Variants in NBDY observed in about 807,000 individuals in gnomAD.
The protein encoded by NBDY is negative regulator of P-body association.
intron 2 of NBDY, among the ~76,000 whole-genome samples, chrX:56,739,642 C>T (rs2069522183): frequency 1.8e-5 from 2 of 110,411 alleles, no homozygotes; most frequent in Non-Finnish European, 3.8e-5. Flanking sequence ...ATGTATTGTT[C>T]TCAGGGCATC....
chrX:56,745,548 G>T (rs910541818), intron 2 of NBDY, among the ~76,000 whole-genome samples: 1 of 110,656 alleles, frequency 9.0e-6, no homozygotes, highest in African/African-American at 3.3e-5. Flanking sequence ...TACACCCAGA[G>T]AAATTTAACA....
intron 2 of NBDY, among the ~76,000 whole-genome samples, chrX:56,739,264 G>GTATATATATATATATATA (rs59220932): frequency 2.0e-4 from 6 of 30,393 alleles, no homozygotes; most frequent in Non-Finnish European, 4.0e-4. Flanking sequence ...ATATATATAT[G>GTATATATATATATATATA]TATGTATATA....
chrX:56,737,100 T>C (rs2069498922), intron 2 of NBDY: 4 of 481,336 alleles, frequency 8.3e-6, no homozygotes, highest in Non-Finnish European at 1.2e-5. Context: ...AGTTATTCAG[T>C]ATAAGGTTTG....
At chrX:56,815,963 A>G (rs760838072) in intron 2 of NBDY, among the ~76,000 whole-genome samples, 1 of 111,565 alleles carries the variant, frequency 9.0e-6, no homozygotes, top group East Asian at 2.8e-4. Context: ...TATACATTTC[A>G]TGTTGTTTTC....
chrX:56,762,326 C>G (rs1045717671), intron 2 of NBDY, among the ~76,000 whole-genome samples: 1 of 107,604 alleles, frequency 9.3e-6, no homozygotes, highest in African/African-American at 3.4e-5. Context: ...TTTTCTTCTT[C>G]TTTTCTTCCC....
intron 1 of NBDY, among the ~76,000 whole-genome samples, chrX:56,731,101 T>A (rs2069455419): frequency 9.2e-6 from 1 of 108,322 alleles, no homozygotes; most frequent in Non-Finnish European, 1.9e-5. Context: ...TTTTAGACAT[T>A]GGGTTTGGTG....
intron 2 of NBDY, among the ~76,000 whole-genome samples, chrX:56,787,519 AG>A (rs1453909444): frequency 8.9e-6 from 1 of 111,914 alleles, no homozygotes; most frequent in African/African-American, 3.3e-5. Flanking sequence ...TGGGCAACTA[AG>A]GCCTTCTTCT....
intron 2 of NBDY, among the ~76,000 whole-genome samples, chrX:56,802,529 G>A (rs899204434): frequency 9.9e-6 from 1 of 101,225 alleles, no homozygotes; most frequent in Non-Finnish European, 1.9e-5. Context: ...CACACGCCCT[G>A]TGACTGCCTG....
At chrX:56,788,852 A>G (rs1257070664) in intron 2 of NBDY, among the ~76,000 whole-genome samples, 1 of 112,353 alleles carries the variant, frequency 8.9e-6, no homozygotes, top group African/African-American at 3.2e-5. Context: ...CCTCTAGAGT[A>G]ACTGCTTCTC....
chrX:56,737,392 GTGAC>G (rs1462431130), intron 2 of NBDY: 3 of 644,338 alleles, frequency 4.7e-6, no homozygotes, highest in Non-Finnish European at 7.8e-6. Context: ...CACTCTTAAT[GTGAC>G]ACATCCTGTC....
At chrX:56,785,477 A>T (rs923553422) in intron 2 of NBDY, among the ~76,000 whole-genome samples, 5 of 110,983 alleles carry the variant, frequency 4.5e-5, no homozygotes, top group Non-Finnish European at 1.9e-5. Flanking sequence ...AGACACCTTC[A>T]TTCACCTCCG....
At chrX:56,788,371 T>C (rs1361049266) in intron 2 of NBDY, among the ~76,000 whole-genome samples, 1 of 113,158 alleles carries the variant, frequency 8.8e-6, no homozygotes, top group East Asian at 2.8e-4. Context: ...GGGAGGGAGC[T>C]GGGCACAAGT....
intron 2 of NBDY, among the ~76,000 whole-genome samples, chrX:56,784,948 C>G (rs2069718495): frequency 8.9e-6 from 1 of 112,363 alleles, no homozygotes; most frequent in African/African-American, 3.2e-5. Context: ...ACACACAGCT[C>G]TTCAAATATT....
chrX:56,798,084 C>T (rs768151290), intron 2 of NBDY, among the ~76,000 whole-genome samples: 1 of 112,032 alleles, frequency 8.9e-6, no homozygotes, highest in East Asian at 2.8e-4. Flanking sequence ...CTGTCTCATA[C>T]GGGCTCTTAA....
At chrX:56,746,353 G>T (rs775202128) in intron 2 of NBDY, among the ~76,000 whole-genome samples, 6 of 110,812 alleles carry the variant, frequency 5.4e-5, no homozygotes, top group Non-Finnish European at 9.5e-5. Context: ...TTCCTCTCCT[G>T]TTATTCTTAC....
At chrX:56,815,782 A>T (rs760488909) in intron 2 of NBDY, among the ~76,000 whole-genome samples, 7 of 112,133 alleles carry the variant, frequency 6.2e-5, no homozygotes, top group Non-Finnish European at 1.3e-4. Context: ...TGTGTATAAT[A>T]CAAACTCATT....
Position 56,749,797 on chromosome X carries a change from A to T in NBDY, c.*166+17598A>T, listed in dbSNP as rs186294431. Among the ~76,000 whole-genome samples the T allele has an allele frequency of 1.3e-3, 139 of 109,859 alleles. 1 individual carries two copies. Among genetic ancestry groups the T allele is most frequent in the African/African-American group, 4.5e-3 (135 of 30,127 alleles). On this transcript the variant is annotated intron_variant, in intron 2 of 2. Transcript: ENST00000374922. ...CCCCCAAGTAGCTGGGACCACAGGCACATGCCGTCATGCCCAGCTAATTTT... is the reference window on the plus strand; with the variant it reads ...CCCCCAAGTAGCTGGGACCACAGGCTCATGCCGTCATGCCCAGCTAATTTT...
chrX:56,733,486 C>A (rs999249801), intron 2 of NBDY, among the ~76,000 whole-genome samples: 4 of 111,022 alleles, frequency 3.6e-5, no homozygotes, highest in Admixed American at 1.9e-4. Flanking sequence ...TTCATTAGAT[C>A]AGTATATAGC....
chrX:56,752,392 C>T (rs189599603), intron 2 of NBDY, among the ~76,000 whole-genome samples: 1 of 110,890 alleles, frequency 9.0e-6, no homozygotes, highest in African/African-American at 3.3e-5. Context: ...TTTATAGTAG[C>T]CATCCTGATT....
Sources: allele counts gnomAD v4.1 joint callset (sites outside exome capture counted in the v4.1 genomes callset), GRCh38; gene constraint gnomAD v4.1.1; transcripts MANE v1.5; gene names NCBI Gene and HGNC (gene_info 2026-07-23, HGNC 2026-07-21).